Variants in TERT observed in about 807,000 individuals in gnomAD.
The protein encoded by TERT is telomerase reverse transcriptase, also known as telomerase catalytic subunit.
TERT carries 42 observed loss-of-function variants against 104.0 expected under a neutral mutation model. The observed-to-expected ratio is 0.40, with a 90% CI of 0.32 to 0.52. The LOEUF (loss-of-function observed/expected upper bound fraction) is 0.52, where lower values mean the gene tolerates loss of function less well. Among genes scored for constraint, TERT ranks in the 20% least tolerant of loss-of-function variants. TERT has a pLI of 0.43. For synonymous variants in TERT, 781 were observed against 725.6 expected (o/e 1.08, Z -1.23); for missense variants, 1,101 against 1,610.3 (o/e 0.68, Z 5.41).
intron 12 of TERT, 28 bp from the exon 13 acceptor site, chr5:1,258,687 C>T (rs373707255): frequency 2.9e-5 from 45 of 1,543,418 alleles, no homozygotes; most frequent in East Asian, 2.2e-4. Flanking sequence ...GAGTGAGAAA[C>T]GGTAGAAACC....
In TERT at chr5:1,293,493, C is replaced by T. The variant is rs758110675; in HGVS notation, c.1393G>A (p.Val465Met). The T allele has an allele frequency of 6.3e-7, 1 of 1,587,634 alleles. No individual in the cohort carries two copies. The highest frequency in any genetic ancestry group is 1.1e-5 in the South Asian group (1 of 88,094). ...HSSPWQVYGF[V>M]RACLRRLVPP... ...ACCAGCCGGCGCAGGCAGGCCCGCA[C>T]GAAGCCGTACACCTGCCAGGGGCTG... The change falls in exon 2 of 16, where the codon GTG becomes ATG. Residue 465 changes from valine to methionine, a missense_variant. By Grantham distance (21) the Val-to-Met change is conservative. This residue lies in a region of TERT where 504 missense variants were observed against 544.6 expected (regional missense o/e 0.93). Transcript: ENST00000310581.
chr5:1,288,836 G>A lies in TERT; in HGVS notation c.1573+4477C>T, dbSNP rs928877900. Among the ~76,000 whole-genome samples the A allele has an allele frequency of 4.6e-5, 7 of 152,316 alleles. No homozygotes were observed. The highest frequency in any genetic ancestry group is 1.3e-4 in the Admixed American group (2 of 15,306). ...CAAGCCAGGCCCAACAGAGGCAAGC[G>A]GACCTGAAGCTGTGGCTGCAGTGCC... On this transcript the variant is annotated intron_variant, in intron 2 of 15. Transcript: ENST00000310581. This position sits in a 1 kb window ranked among gnomAD's most constrained non-coding sequence, Gnocchi z 5.3.
At position 1,253,253 on chromosome 5, in the gene TERT, A is replaced by G; in HGVS notation, c.*475T>C. 3.8e-6 allele frequency: 1 copy of G among 259,910 alleles called. No homozygotes were observed. Among genetic ancestry groups the G allele is most frequent in the South Asian group, 1.3e-4 (1 of 7,980 alleles). The allele number at this position is 259,910 out of a possible 1,614,324, so 16.1% of individuals were successfully genotyped here. ...ATTTGACCCACAGGGACCCCCATCC[A>G]GGTGCAGGGTCCTCGCCTGTGTACA... is the stretch of plus-strand genomic sequence containing the variant. On this transcript the variant is annotated 3_prime_UTR_variant, in exon 16 of 16. Coordinates refer to ENST00000310581, the MANE Select transcript of TERT (RefSeq NM_198253.3).
rs1313917564 is a variant in TERT at position 1,288,838 on chromosome 5, AC to A, written c.1573+4474del. Among the ~76,000 whole-genome samples, 1 of 152,162 alleles carries A rather than the reference AC, an allele frequency of 6.6e-6. No individual in the cohort carries two copies. The highest frequency in any genetic ancestry group is 1.5e-5 in the Non-Finnish European group (1 of 68,022). ...AGCCAGGCCCAACAGAGGCAAGCGG[AC>A]CTGAAGCTGTGGCTGCAGTGCCTGG... On this transcript the variant is annotated intron_variant, in intron 2 of 15. Transcript: ENST00000310581. This position sits in a 1 kb window ranked among gnomAD's most constrained non-coding sequence, Gnocchi z 5.3.
intron 7 of TERT, 61 bp from the exon 8 acceptor site, chr5:1,271,265 C>T: frequency 7.9e-7 from 1 of 1,268,468 alleles, no homozygotes; most frequent in Non-Finnish European, 1.1e-6. Flanking sequence ...CAGGCAGGAC[C>T]ACGTGGCCAA....
intron 6 of TERT, among the ~76,000 whole-genome samples, chr5:1,277,519 A>G (rs967514592): frequency 1.3e-5 from 2 of 150,074 alleles, no homozygotes; most frequent in Non-Finnish European, 3.0e-5. Context: ...TCTCACTCAC[A>G]TGGAGACCGG....
chr5:1,294,331 C>T lies in TERT; in HGVS notation c.555G>A (p.Arg185=). The change falls in exon 2 of 16, where the codon CGG becomes CGA. Residue 185 remains arginine, a synonymous_variant. Coordinates refer to ENST00000310581, the MANE Select transcript of TERT (RefSeq NM_198253.3). The part of the protein sequence containing the change: ...LYQLGAATQA[R]PPPHASGPRR... ...GGGGTCCACTAGCGTGTGGCGGGGG[C>T]CGGGCCTGAGTGGCAGCGCCGAGCT... 13 of 1,581,624 alleles carry T rather than the reference C, an allele frequency of 8.2e-6. No individual in the cohort carries two copies. In the Middle Eastern group the frequency reaches 2.2e-3, roughly 272 times the overall value.
chr5:1,272,020 G>A (rs2126616935), intron 7 of TERT, among the ~76,000 whole-genome samples, 165 bp downstream of exon 7: 1 of 152,382 alleles, frequency 6.6e-6, no homozygotes, highest in East Asian at 1.9e-4. Flanking sequence ...GCATGGCCCA[G>A]CTCAGATTTC....
chr5:1,254,142 T>C (rs1403427594), intron 15 of TERT, among the ~76,000 whole-genome samples: 1 of 152,102 alleles, frequency 6.6e-6, no homozygotes, highest in Non-Finnish European at 1.5e-5. Flanking sequence ...CCATCGCCCC[T>C]GAGATGGGAA....
intron 2 of TERT, 130 bp from the exon 3 acceptor site, chr5:1,282,754 T>C: frequency 3.4e-6 from 3 of 884,942 alleles, no homozygotes; most frequent in Admixed American, 2.1e-5. Context: ...ACCTGCACCA[T>C]CCGGACACGG....
At chr5:1,266,876 C>T (rs1748643336) in intron 9 of TERT, among the ~76,000 whole-genome samples, 1 of 152,204 alleles carries the variant, frequency 6.6e-6, no homozygotes, top group Non-Finnish European at 1.5e-5. Context: ...GGGAACCTCG[C>T]CCCCTCTGAG....
intron 2 of TERT, among the ~76,000 whole-genome samples, chr5:1,291,205 G>A (rs1333281784): frequency 2.7e-5 from 1 of 36,422 alleles, no homozygotes; most frequent in Non-Finnish European, 4.8e-5. Flanking sequence ...CACCCTACAC[G>A]TGACAGGGAC....
rs950145141 is a variant in TERT at position 1,271,199 on chromosome 5, G to A, written c.2388C>T (p.Ser796=). 4 of 1,612,948 alleles carry A rather than the reference G, an allele frequency of 2.5e-6. No homozygotes were observed. In the Admixed American group the frequency reaches 5.0e-5, roughly 20 times the overall value. The part of the protein sequence containing the change: ...LRDAVVIEQS[S]SLNEASSGLF... ...GGCCACTGCTGGCCTCATTCAGGGA[G>A]GAGCTCTGCGAAAGCAGACGGGAGA... The change falls in exon 8 of 16, where the codon TCC becomes TCT. Residue 796 remains serine (S), a synonymous_variant. Coordinates refer to ENST00000310581, the MANE Select transcript of TERT (RefSeq NM_198253.3).
Position 1,293,475 on chromosome 5 carries a change from G to A in TERT, c.1411C>T (p.Arg471Trp), listed in dbSNP as rs750721558. 6.2e-6 allele frequency: 10 copies of A among 1,603,572 alleles called. No homozygotes were observed. Among genetic ancestry groups the A allele is most frequent in the South Asian group, 1.1e-5 (1 of 89,822 alleles). The change falls in exon 2 of 16, where the codon CGG becomes TGG. Residue 471 changes from arginine to tryptophan, a missense_variant. Physicochemically the swap from Arg to Trp is moderately radical, Grantham distance 101 (BLOSUM62 -3). Around this residue, in one of 5 missense-constraint regions of TERT, gnomAD observed 504 missense variants for 544.6 expected, o/e 0.93. Transcript: ENST00000310581. ...VYGFVRACLR[R>W]LVPPGLWGSR... ...CCCCAGAGGCCTGGGGGCACCAGCC[G>A]GCGCAGGCAGGCCCGCACGAAGCCG...
intron 2 of TERT, among the ~76,000 whole-genome samples, chr5:1,291,037 G>C (rs1289391075): frequency 8.2e-6 from 1 of 121,462 alleles, no homozygotes; most frequent in Non-Finnish European, 1.7e-5. Context: ...CACCCTGCAC[G>C]GGACAGGGAC....
intron 5 of TERT, 110 bp downstream of exon 5, chr5:1,279,181 C>T (rs1340674972): frequency 2.4e-6 from 3 of 1,265,352 alleles, no homozygotes; most frequent in Non-Finnish European, 3.3e-6. Context: ...GGGTCACCTG[C>T]ACTCCCTGCG....
At position 1,254,407 on chromosome 5, in the gene TERT, G is replaced by A. The variant is rs1747563544; in HGVS notation, c.3256C>T (p.Arg1086Cys). 4 of 1,613,202 alleles carry A rather than the reference G, an allele frequency of 2.5e-6. No individual in the cohort carries two copies. The highest frequency in any genetic ancestry group is 2.5e-6 in the Non-Finnish European group (3 of 1,179,946). Residue 1086 changes from arginine (R) to cysteine (C), a missense_variant, in exon 15 of 16, where the codon CGT (arginine) becomes TGT (cysteine). Arg to Cys is a radical substitution (Grantham distance 180). Around this residue, in one of 5 missense-constraint regions of TERT, gnomAD observed 463 missense variants for 797.5 expected, o/e 0.58. Coordinates refer to ENST00000310581, the MANE Select transcript of TERT (RefSeq NM_198253.3). ...QAFLLKLTRH[R>C]VTYVPLLGSL... ...CCCAGGAGTGGCACGTAGGTGACAC[G>A]GTGTCGAGTCAGCTTGAGCAGGAAT...
rs759346916 is a variant in TERT at position 1,263,352 on chromosome 5, T to C, written c.2843+1052A>G. Among the ~76,000 whole-genome samples the C allele has an allele frequency of 2.0e-5, 3 of 151,858 alleles. No individual in the cohort carries two copies. Among genetic ancestry groups the C allele is most frequent in the African/African-American group, 7.3e-5 (3 of 41,328 alleles). On this transcript the variant is annotated intron_variant, in intron 11 of 15. Coordinates refer to ENST00000310581, the MANE Select transcript of TERT (RefSeq NM_198253.3). The surrounding 1 kb of genome is among the most constrained non-coding windows in gnomAD (Gnocchi z 5.3). The stretch of plus-strand genomic sequence containing the variant: ...TCTAGCACAGCACCAGTAAATATTA[T>C]CGAAGGACAGAATAAAAAAACACCT...
chr5:1,271,931 C>T (rs931513601), intron 7 of TERT, among the ~76,000 whole-genome samples: 1 of 152,234 alleles, frequency 6.6e-6, no homozygotes, highest in African/African-American at 2.4e-5. Flanking sequence ...AAATCATGAA[C>T]AAAGGCACTG....
Sources: allele counts gnomAD v4.1 joint callset (sites outside exome capture counted in the v4.1 genomes callset), GRCh38; gene constraint gnomAD v4.1.1; regional missense constraint gnomAD v4.1.1; non-coding constraint Gnocchi (gnomAD v3.1); transcripts MANE v1.5; gene names NCBI Gene and HGNC (gene_info 2026-07-23, HGNC 2026-07-21).